The following LRRC4C variants were observed in gnomAD, a reference collection of about 807,000 sequenced individuals.
The protein encoded by LRRC4C is leucine-rich repeat-containing protein 4C.
A neutral mutation model predicts 33.6 loss-of-function variants in LRRC4C; 5 were observed. The observed-to-expected ratio is 0.15, with a 90% CI of 0.08 to 0.31. LRRC4C has a LOEUF of 0.31. Among genes scored for constraint, LRRC4C ranks in the 10% least tolerant of loss-of-function variants. The probability of loss-of-function intolerance (pLI) is 1.00; values close to 1 mark genes in which losing one functional copy is unlikely to be tolerated. For synonymous variants in LRRC4C, 329 were observed against 302.0 expected (o/e 1.09, Z -0.93); for missense variants, 560 against 796.7 (o/e 0.70, Z 3.58).
chr11:41,065,924 G>C (rs1400072331), intron 1 of LRRC4C, among the ~76,000 whole-genome samples: 1 of 152,162 alleles, frequency 6.6e-6, no homozygotes, highest in Non-Finnish European at 1.5e-5. Context: ...CAGCCTCAAA[G>C]ATCAAAGTTG....
At chr11:40,874,338 A>G (rs961022605) in intron 2 of LRRC4C, among the ~76,000 whole-genome samples, 2 of 151,926 alleles carry the variant, frequency 1.3e-5, no homozygotes, top group African/African-American at 4.8e-5. Context: ...TTTTCCAGTA[A>G]CTCTCCACAT....
chr11:40,174,131 G>T (rs184121132), intron 5 of LRRC4C, among the ~76,000 whole-genome samples: 3 of 152,098 alleles, frequency 2.0e-5, no homozygotes, highest in Non-Finnish European at 4.4e-5. Context: ...GTGTTAGCAC[G>T]CTGCATGAAC....
chr11:40,233,844 A>C (rs923081740), intron 5 of LRRC4C, among the ~76,000 whole-genome samples: 2 of 152,222 alleles, frequency 1.3e-5, no homozygotes, highest in Admixed American at 6.5e-5. Flanking sequence ...AGATTAATTT[A>C]TATGTTATGC....
chr11:40,887,929 T>C (rs1955536672), intron 2 of LRRC4C, among the ~76,000 whole-genome samples: 1 of 151,936 alleles, frequency 6.6e-6, no homozygotes, highest in Non-Finnish European at 1.5e-5. Context: ...TTCCCATGCC[T>C]CTCCTTCATT....
intron 1 of LRRC4C, among the ~76,000 whole-genome samples, chr11:40,945,096 C>T (rs1216507328): frequency 6.9e-6 from 1 of 145,770 alleles, no homozygotes; most frequent in Non-Finnish European, 1.5e-5. Flanking sequence ...GGCGCGATCT[C>T]GGCACACTGC....
chr11:41,417,560 T>G (rs190512283), intron 1 of LRRC4C, among the ~76,000 whole-genome samples: 386 of 152,112 alleles, frequency 2.5e-3, no homozygotes, highest in Admixed American at 5.4e-3. Flanking sequence ...CAGTTGTGAC[T>G]AGCAATCATG....
chr11:40,786,008 G>A (rs764007091), intron 2 of LRRC4C, among the ~76,000 whole-genome samples: 7 of 151,892 alleles, frequency 4.6e-5, no homozygotes, highest in Non-Finnish European at 1.0e-4. Context: ...AATTATACAT[G>A]AAAATTGGTG....
At chr11:40,549,760 T>C (rs1293135863) in intron 3 of LRRC4C, among the ~76,000 whole-genome samples, 3 of 152,030 alleles carry the variant, frequency 2.0e-5, no homozygotes, top group Non-Finnish European at 2.9e-5. Flanking sequence ...CTAAAGTAAA[T>C]GTCAGAAGAA....
intron 2 of LRRC4C, among the ~76,000 whole-genome samples, chr11:40,876,231 G>T (rs1954878665): frequency 6.8e-6 from 1 of 147,840 alleles, no homozygotes; most frequent in South Asian, 2.2e-4. Flanking sequence ...TTCACAAATG[G>T]GTCACAAGTC....
At chr11:40,658,235 T>C (rs1182513625) in intron 2 of LRRC4C, among the ~76,000 whole-genome samples, 1 of 152,208 alleles carries the variant, frequency 6.6e-6, no homozygotes, top group Admixed American at 6.5e-5. Context: ...ATGTAGAATT[T>C]AGAACACCTG....
rs1176225780 is a variant in LRRC4C, at chr11:40,116,303, T to A, written c.-11A>T. 2 of 1,578,394 alleles carry A rather than the reference T, an allele frequency of 1.3e-6. No individual in the cohort carries two copies. The highest frequency in any genetic ancestry group is 2.3e-5 in the East Asian group (1 of 44,202). The stretch of plus-strand genomic sequence containing the variant: ...CATCTTGTTCAACATTCATAATTTA[T>A]CTGGTGTTGGTCCTTCTGGAATTCA... On this transcript the variant is annotated 5_prime_UTR_variant, in exon 7 of 7. Transcript: ENST00000528697.
Position 41,446,057 on chromosome 11 carries a change from C to T in LRRC4C, c.-496+13374G>A, listed in dbSNP as rs1475806628. Among the ~76,000 whole-genome samples, 8 of 152,098 alleles carry T rather than the reference C, an allele frequency of 5.3e-5. No homozygotes were observed. In the East Asian group the frequency reaches 5.8e-4, roughly 11 times the overall value. The stretch of plus-strand genomic sequence containing the variant: ...GAATAAAAAAATGACTCAATAATAA[C>T]GTTAAAACAAGTGAAAGTGAATGAA... On this transcript the variant is annotated intron_variant, in intron 1 of 6. Coordinates refer to ENST00000528697, the MANE Select transcript of LRRC4C (RefSeq NM_001258419.2).
intron 3 of LRRC4C, chr11:40,446,515 A>C (rs7944171): frequency 0.39 from 58,964 of 151,976 alleles, 11,785 homozygotes; most frequent in East Asian, 0.53. Flanking sequence ...TCTGCTGTGA[A>C]TTTCTTGGCT....
chr11:40,552,556 G>T (rs1238710515), intron 3 of LRRC4C, among the ~76,000 whole-genome samples: 2 of 152,182 alleles, frequency 1.3e-5, no homozygotes, highest in African/African-American at 4.8e-5. Flanking sequence ...GGCACTGGAT[G>T]TCCAGTAGAC....
At chr11:40,147,444 C>G (rs1253956194) in intron 5 of LRRC4C, among the ~76,000 whole-genome samples, 1 of 152,100 alleles carries the variant, frequency 6.6e-6, no homozygotes, top group Admixed American at 6.6e-5. Flanking sequence ...GCTTGCTGCT[C>G]AAATTTCTAG....
At chr11:40,952,805 T>G (rs1479353321) in intron 1 of LRRC4C, among the ~76,000 whole-genome samples, 1 of 150,750 alleles carries the variant, frequency 6.6e-6, no homozygotes, top group East Asian at 2.0e-4. Flanking sequence ...AAGGCTTCAC[T>G]GAATAACTCT....
intron 3 of LRRC4C, among the ~76,000 whole-genome samples, chr11:40,394,272 A>G (rs1949451504): frequency 6.6e-6 from 1 of 152,178 alleles, no homozygotes; most frequent in African/African-American, 2.4e-5. Context: ...GAAAAAACAC[A>G]GCTCTTGTTT....
At chr11:40,628,503 A>G (rs1195035066) in intron 3 of LRRC4C, among the ~76,000 whole-genome samples, 1 of 151,916 alleles carries the variant, frequency 6.6e-6, no homozygotes, top group African/African-American at 2.4e-5. Context: ...AACAAAACAA[A>G]ACAAAACCTA....
At chr11:41,016,605 G>A (rs907056005) in intron 1 of LRRC4C, among the ~76,000 whole-genome samples, 14 of 152,206 alleles carry the variant, frequency 9.2e-5, no homozygotes, top group African/African-American at 2.6e-4. Flanking sequence ...TTATTAGAGC[G>A]TTGTACCAGT....
Sources: allele counts gnomAD v4.1 joint callset (sites outside exome capture counted in the v4.1 genomes callset), GRCh38; gene constraint gnomAD v4.1.1; transcripts MANE v1.5; gene names NCBI Gene and HGNC (gene_info 2026-07-23, HGNC 2026-07-21).